Variants in PDE10A observed in about 807,000 individuals in gnomAD.
PDE10A encodes phosphodiesterase 10A.
PDE10A carries 39 observed loss-of-function variants against 97.7 expected under a neutral mutation model. The ratio of observed to expected loss-of-function variants is 0.40; its 90% CI spans 0.31 to 0.52. PDE10A has a LOEUF of 0.52. Among genes scored for constraint, PDE10A ranks in the 20% least tolerant of loss-of-function variants. The pLI is 0.56. For synonymous variants in PDE10A, 371 were observed against 376.8 expected (o/e 0.98, Z 0.18); for missense variants, 731 against 1,047.8 (o/e 0.70, Z 4.17).
chr6:165,598,001 C>G (rs913937164), intron 1 of PDE10A, among the ~76,000 whole-genome samples: 2 of 152,224 alleles, frequency 1.3e-5, no homozygotes, highest in African/African-American at 4.8e-5. Context: ...GCTCCACTAG[C>G]ACAGGTCACG....
intron 1 of PDE10A, among the ~76,000 whole-genome samples, chr6:165,673,404 A>G (rs1438409816): frequency 6.6e-6 from 1 of 152,186 alleles, no homozygotes; most frequent in African/African-American, 2.4e-5. Context: ...TAATTGTTTT[A>G]TTTTGTGTCA....
intron 1 of PDE10A, among the ~76,000 whole-genome samples, chr6:165,943,568 A>G (rs76003937): frequency 0.043 from 6,587 of 152,222 alleles, 202 homozygotes; most frequent in Non-Finnish European, 0.061. Context: ...AGGTCTGAGA[A>G]CCTGGAGAAC....
intron 1 of PDE10A, among the ~76,000 whole-genome samples, chr6:165,686,931 A>G (rs964225381): frequency 2.0e-5 from 3 of 152,242 alleles, no homozygotes; most frequent in African/African-American, 7.2e-5. Context: ...GGGAAGATGT[A>G]CAATAGCTTG....
chr6:165,464,629 T>G (rs1336620032), intron 3 of PDE10A, among the ~76,000 whole-genome samples: 1 of 152,218 alleles, frequency 6.6e-6, no homozygotes, highest in Admixed American at 6.5e-5. Context: ...ATTTCAACTC[T>G]TCATAAACTC....
intron 18 of PDE10A, among the ~76,000 whole-genome samples, chr6:165,359,404 G>A (rs758337550): frequency 1.4e-4 from 21 of 152,062 alleles, no homozygotes; most frequent in African/African-American, 4.8e-4. Flanking sequence ...CTTTGAATAC[G>A]TCCATGTTTT....
chr6:165,617,891 T>A (rs1787800974), intron 1 of PDE10A, among the ~76,000 whole-genome samples: 1 of 152,032 alleles, frequency 6.6e-6, no homozygotes, highest in South Asian at 2.1e-4. Context: ...ACACAAAAAA[T>A]TAAGGCTTCT....
chr6:165,788,902 C>T (rs566276409), intron 1 of PDE10A, among the ~76,000 whole-genome samples: 1 of 152,058 alleles, frequency 6.6e-6, no homozygotes, highest in Non-Finnish European at 1.5e-5. Context: ...AAGCCAAGTG[C>T]GTGCACCACC....
intron 5 of PDE10A, among the ~76,000 whole-genome samples, chr6:165,447,629 AT>A (rs776368529): frequency 6.6e-6 from 1 of 152,198 alleles, no homozygotes; most frequent in Non-Finnish European, 1.5e-5. Flanking sequence ...TTTAAAAATA[AT>A]TTTTAATGCA....
At chr6:165,657,874 G>A (rs372876825) in intron 1 of PDE10A, among the ~76,000 whole-genome samples, 3 of 152,146 alleles carry the variant, frequency 2.0e-5, no homozygotes, top group African/African-American at 7.2e-5. Context: ...TGACACTCAC[G>A]TCCACACCCT....
intron 19 of PDE10A, among the ~76,000 whole-genome samples, chr6:165,342,887 G>A (rs1782057939): frequency 6.6e-6 from 1 of 152,196 alleles, no homozygotes; most frequent in Non-Finnish European, 1.5e-5. Context: ...GTTGTTTCAG[G>A]AGTATTATGA....
chr6:165,688,454 G>A (rs565965570), intron 1 of PDE10A, among the ~76,000 whole-genome samples: 1 of 152,288 alleles, frequency 6.6e-6, no homozygotes, highest in East Asian at 1.9e-4. Flanking sequence ...GGTATGTAGT[G>A]GGCAACTCAG....
intron 1 of PDE10A, among the ~76,000 whole-genome samples, chr6:165,943,218 AGAAAGAAAGAAAGAAAGAAGGAAG>A (rs761459823): frequency 0.016 from 1,204 of 75,888 alleles, 26 homozygotes; most frequent in African/African-American, 0.026. Context: ...AAAGAAAGAA[AGAAAGAAAGAAAGAAAGAAGGAAG>A]GAAGGAAGGA....
chr6:165,602,422 G>GT (rs1353076523), intron 1 of PDE10A, among the ~76,000 whole-genome samples: 2 of 152,114 alleles, frequency 1.3e-5, no homozygotes. Flanking sequence ...AGAAAGAAAT[G>GT]TAGCACCAGA....
intron 2 of PDE10A, among the ~76,000 whole-genome samples, chr6:165,503,352 G>T (rs1781008777): frequency 6.6e-6 from 1 of 152,160 alleles, no homozygotes. Context: ...ACATCCACGT[G>T]GAAGAATGCA....
At position 165,920,543 on chromosome 6, in the gene PDE10A, TACACAC is replaced by T. The variant is rs55746374; in HGVS notation, c.-615+66980_-615+66985del. Among the ~76,000 whole-genome samples the T allele has an allele frequency of 6.3e-3, 943 of 149,370 alleles. 5 individuals carry two copies. The highest frequency in any genetic ancestry group is 0.034 in the Middle Eastern group (10 of 292). ...GATGCTTATCTTCTAAGACTGGGCT[TACACAC>T]ACACACACACACACACACACTTACA... On this transcript the variant is annotated intron_variant, in intron 1 of 19. Transcript: ENST00000366882.
intron 2 of PDE10A, among the ~76,000 whole-genome samples, chr6:165,536,732 C>T (rs756000561): frequency 5.9e-5 from 9 of 151,790 alleles, no homozygotes; most frequent in African/African-American, 2.2e-4. Context: ...CAGGAAAATG[C>T]AAATCAAAAC....
intron 1 of PDE10A, among the ~76,000 whole-genome samples, chr6:165,695,341 G>T (rs946001713): frequency 2.7e-5 from 4 of 148,466 alleles, no homozygotes; most frequent in African/African-American, 1.0e-4. Context: ...TGGTAGGAAT[G>T]GTGAGAGTCT....
intron 1 of PDE10A, among the ~76,000 whole-genome samples, chr6:165,771,117 A>C (rs1474407994): frequency 6.6e-6 from 1 of 152,226 alleles, no homozygotes; most frequent in Non-Finnish European, 1.5e-5. Flanking sequence ...TGCCTTGAGC[A>C]ACCAATGGCT....
chr6:165,435,412 T>C (rs778180048), intron 5 of PDE10A, 35 bp from the exon 6 acceptor site: 7 of 1,596,938 alleles, frequency 4.4e-6, no homozygotes, highest in Non-Finnish European at 6.0e-6. Flanking sequence ...CAGACTTTCC[T>C]GTACATGTGC....
Sources: gnomAD v4.1 joint callset for allele counts (sites outside exome capture counted in the v4.1 genomes callset) on GRCh38, gnomAD v4.1.1 for gene constraint, MANE v1.5 for transcripts, NCBI Gene and HGNC (gene_info 2026-07-23, HGNC 2026-07-21) for gene names.